The following PRKN variants were observed in gnomAD, a reference collection of about 807,000 sequenced individuals.
PRKN encodes the protein parkin RBR E3 ubiquitin protein ligase, also known as E3 ubiquitin-protein ligase parkin.
PRKN carries 56 observed loss-of-function variants against 59.5 expected under a neutral mutation model. That is an observed-to-expected ratio of 0.94 (90% CI 0.76 to 1.18). PRKN has a LOEUF of 1.18. PRKN is among the 50% of genes most tolerant of loss of function. The pLI, the probability that PRKN is intolerant of heterozygous loss-of-function variation, is 0.00. For missense variants in PRKN, 657 were observed against 596.4 expected (o/e 1.10, Z -1.06); for synonymous variants, 250 against 222.1 (o/e 1.13, Z -1.12).
intron 5 of PRKN, among the ~76,000 whole-genome samples, chr6:162,052,698 G>C (rs59003394): frequency 0.44 from 66,395 of 151,758 alleles, 15,260 homozygotes; most frequent in East Asian, 0.63. Flanking sequence ...ACTCAGGTTT[G>C]AGTTATAGAT....
In PRKN at chr6:161,505,255, T is replaced by G. The variant is rs550417361; in HGVS notation, c.1083+43599A>C. Among the ~76,000 whole-genome samples, 3 of 152,230 alleles carry G rather than the reference T, an allele frequency of 2.0e-5. No homozygotes were observed. In the South Asian group the frequency reaches 6.2e-4, roughly 32 times the overall value. On this transcript the variant is annotated intron_variant, in intron 9 of 11. Transcript: ENST00000366898. ...GATGATATCTCATTGTGGTTTTGAT[T>G]TGCATTTCTCTGATGGCCAGTGATG...
intron 1 of PRKN, among the ~76,000 whole-genome samples, chr6:162,514,431 T>A (rs1777759668): frequency 6.6e-6 from 1 of 152,192 alleles, no homozygotes; most frequent in African/African-American, 2.4e-5. Context: ...GCTCAATGCA[T>A]CCGTTCCTTC....
Position 161,459,220 on chromosome 6 carries a change from C to A in PRKN, c.1084-72343G>T, listed in dbSNP as rs997044618. Reference sequence around the variant, plus strand: ...AGGTTAATTACAGTGGAAACCTGATCGAACTTGACAGTCAGTGTGTTTGTG... The same window carrying A: ...AGGTTAATTACAGTGGAAACCTGATAGAACTTGACAGTCAGTGTGTTTGTG... On this transcript the variant is annotated intron_variant, in intron 9 of 11. Transcript: ENST00000366898. The surrounding 1 kb of genome is among the most constrained non-coding windows in gnomAD (Gnocchi z 4.8). 3.3e-5 allele frequency among the ~76,000 whole-genome samples: 5 copies of A among 152,210 alleles called. No homozygotes were observed. The highest frequency in any genetic ancestry group is 7.3e-5 in the Non-Finnish European group (5 of 68,034).
chr6:161,944,832 T>C (rs1677917554), intron 6 of PRKN, among the ~76,000 whole-genome samples: 1 of 152,200 alleles, frequency 6.6e-6, no homozygotes, highest in Admixed American at 6.5e-5. Flanking sequence ...AGGCAGAGAC[T>C]TTGAAGAGTT....
intron 2 of PRKN, among the ~76,000 whole-genome samples, chr6:162,276,897 G>A (rs1562634346): frequency 6.6e-6 from 1 of 151,920 alleles, no homozygotes; most frequent in South Asian, 2.1e-4. Context: ...AATACCCTAT[G>A]TTCTATGACA....
intron 2 of PRKN, among the ~76,000 whole-genome samples, chr6:162,354,946 C>A (rs1784784536): frequency 6.6e-6 from 1 of 151,702 alleles, no homozygotes; most frequent in East Asian, 1.9e-4. Context: ...ACACAATTTA[C>A]TTTTCCTCAG....
intron 2 of PRKN, among the ~76,000 whole-genome samples, chr6:162,422,908 T>C (rs1291700299): frequency 1.5e-5 from 2 of 132,208 alleles, no homozygotes; most frequent in African/African-American, 2.9e-5. Context: ...ATCGCGCCAC[T>C]GCGCTCCAGC....
intron 6 of PRKN, among the ~76,000 whole-genome samples, chr6:161,923,266 T>C (rs969491512): frequency 6.6e-6 from 1 of 152,210 alleles, no homozygotes; most frequent in Admixed American, 6.5e-5. Flanking sequence ...GCAGATCACC[T>C]GAGGTCAGGA....
intron 5 of PRKN, among the ~76,000 whole-genome samples, chr6:162,026,378 G>A (rs1783436119): frequency 6.6e-6 from 1 of 152,142 alleles, no homozygotes; most frequent in South Asian, 2.1e-4. Flanking sequence ...CCAGCTCTAC[G>A]TCAACTCTCC....
chr6:162,030,736 G>C (rs563703733), intron 5 of PRKN, among the ~76,000 whole-genome samples: 4 of 152,322 alleles, frequency 2.6e-5, no homozygotes, highest in Admixed American at 1.3e-4. Flanking sequence ...CTGAAGACAA[G>C]GGAGCAAGGT....
At chr6:161,632,883 A>T (rs1433208567) in intron 7 of PRKN, among the ~76,000 whole-genome samples, 1 of 152,220 alleles carries the variant, frequency 6.6e-6, no homozygotes, top group African/African-American at 2.4e-5. Flanking sequence ...CACTCCCATG[A>T]TTCAATTACC....
chr6:161,957,670 G>T (rs1363310319), intron 6 of PRKN, among the ~76,000 whole-genome samples: 1 of 152,016 alleles, frequency 6.6e-6, no homozygotes, highest in Non-Finnish European at 1.5e-5. Context: ...TGATCCACCC[G>T]CCTCGGCCTC....
intron 6 of PRKN, among the ~76,000 whole-genome samples, chr6:161,825,608 C>T (rs964535912): frequency 1.6e-4 from 24 of 152,180 alleles, no homozygotes; most frequent in African/African-American, 5.8e-4. Context: ...ATGGAGCTTC[C>T]GCTCTACTCC....
chr6:162,019,800 C>A lies in PRKN; in HGVS notation c.618+34291G>T, dbSNP rs551154112. On this transcript the variant is annotated intron_variant, in intron 5 of 11. Coordinates refer to ENST00000366898, the MANE Select transcript of PRKN (RefSeq NM_004562.3). ...TTGGGAGGCCAAGGTGGGTGGATCA[C>A]CTGAGGTCAGGAGCTCGAGACCAGC... Among the ~76,000 whole-genome samples, 35 of 152,208 alleles carry A rather than the reference C, an allele frequency of 2.3e-4. No individual in the cohort carries two copies. The South Asian group carries it at 7.3e-3, about 32-fold the overall frequency.
chr6:161,733,674 C>T (rs113656950), intron 7 of PRKN, among the ~76,000 whole-genome samples: 3 of 151,118 alleles, frequency 2.0e-5, no homozygotes, highest in African/African-American at 7.3e-5. Flanking sequence ...TCAGTCCTTG[C>T]CAAGACTGCT....
chr6:161,535,643 A>G (rs574165), intron 9 of PRKN, among the ~76,000 whole-genome samples: 80,146 of 152,100 alleles, frequency 0.53, 21,698 homozygotes, highest in South Asian at 0.72. Context: ...CTCTGTCGGA[A>G]TACGAGTACG....
intron 1 of PRKN, among the ~76,000 whole-genome samples, chr6:162,599,070 T>C (rs1444751358): frequency 6.6e-6 from 1 of 152,112 alleles, no homozygotes; most frequent in Admixed American, 6.6e-5. Context: ...ATCCTAAAAA[T>C]GTAAAAATCT....
At chr6:162,167,751 A>G (rs1441694106) in intron 4 of PRKN, among the ~76,000 whole-genome samples, 1 of 152,090 alleles carries the variant, frequency 6.6e-6, no homozygotes, top group Admixed American at 6.6e-5. Flanking sequence ...TTGGGGAAAA[A>G]AAGTCATGGA....
At chr6:162,604,423 A>T (rs1452041423) in intron 1 of PRKN, among the ~76,000 whole-genome samples, 1 of 152,198 alleles carries the variant, frequency 6.6e-6, no homozygotes, top group Non-Finnish European at 1.5e-5. Context: ...CTAAGACAGC[A>T]TGAAGCACAG....
Sources: gnomAD v4.1 joint callset for allele counts (sites outside exome capture counted in the v4.1 genomes callset) on GRCh38, gnomAD v4.1.1 for gene constraint, Gnocchi (gnomAD v3.1) non-coding constraint, MANE v1.5 for transcripts, NCBI Gene and HGNC (gene_info 2026-07-23, HGNC 2026-07-21) for gene names.